FBXO24: variants seen among roughly 807,000 people sequenced by gnomAD.
The protein encoded by FBXO24 is F-box protein 24, also known as F-box only protein 24.
A neutral mutation model predicts 63.5 loss-of-function variants in FBXO24; 30 were observed. That is an observed-to-expected ratio of 0.47 (90% CI 0.35 to 0.64). The LOEUF is 0.64. FBXO24 is among the 30% of genes least tolerant of loss of function. The pLI, the probability that FBXO24 is intolerant of heterozygous loss-of-function variation, is 0.00. For synonymous variants in FBXO24, 300 were observed against 305.0 expected, an observed-to-expected ratio of 0.98 and a Z score of 0.17; for missense variants, 624 against 763.4, an observed-to-expected ratio of 0.82 and a Z score of 2.15.
chr7:100,589,322 G>A, intron 1 of FBXO24: 1 of 963,246 alleles, frequency 1.0e-6, no homozygotes, highest in Non-Finnish European at 1.3e-6. Flanking sequence ...GAATTCACTA[G>A]TGTTTCTCTA....
chr7:100,596,070 G>T (rs1178720484), intron 8 of FBXO24, among the ~76,000 whole-genome samples: 1 of 152,124 alleles, frequency 6.6e-6, no homozygotes, highest in African/African-American at 2.4e-5. Flanking sequence ...TTGAGGTCAG[G>T]AGTTCTAGAC....
intron 1 of FBXO24, among the ~76,000 whole-genome samples, chr7:100,588,864 C>T (rs546796612): frequency 3.3e-5 from 5 of 152,200 alleles, no homozygotes; most frequent in South Asian, 2.1e-4. Flanking sequence ...GTATCATTCT[C>T]GCCCGGGCTG....
Position 100,600,171 on chromosome 7 carries a change from G to T in FBXO24, c.1347G>T (p.Gly449=), listed in dbSNP as rs1161689698. ...AGGRLPGWPK[G]SASFVKLQVK... ...GCCGCCTCCCAGGCTGGCCCAAGGG[G>T]AGTGCCTCCTTCGTCAAGCTCCAAG... The change falls in exon 9 of 10, where the codon GGG becomes GGT. Residue 449 remains glycine, a synonymous_variant. Coordinates refer to ENST00000241071, the MANE Select transcript of FBXO24 (RefSeq NM_033506.3). This position sits in a 1 kb window ranked among gnomAD's most constrained non-coding sequence, Gnocchi z 6.3. 3.8e-6 allele frequency: 6 copies of T among 1,580,598 alleles called. No individual in the cohort carries two copies. Among genetic ancestry groups the T allele is most frequent in the Non-Finnish European group, 3.4e-6 (4 of 1,163,194 alleles).
chr7:100,594,974 C>A lies in FBXO24; in HGVS notation c.953-128C>A. On this transcript the variant is annotated intron_variant, in intron 6 of 9. Coordinates refer to ENST00000241071, the MANE Select transcript of FBXO24 (RefSeq NM_033506.3). The surrounding 1 kb of genome is among the most constrained non-coding windows in gnomAD (Gnocchi z 4.2). ...AAAAGATGTGTTTTCAGTTCCCAGGCATCATAGTTGATGCATTCCTAGTGG... is the reference window on the plus strand; with the variant it reads ...AAAAGATGTGTTTTCAGTTCCCAGGAATCATAGTTGATGCATTCCTAGTGG... The A allele has an allele frequency of 7.7e-7, 1 of 1,301,856 alleles. No homozygotes were observed. Among genetic ancestry groups the A allele is most frequent in the Non-Finnish European group, 1.1e-6 (1 of 941,600 alleles). The allele number at this position is 1,301,856 out of a possible 1,614,324, so 80.6% of individuals were successfully genotyped here.
In FBXO24 at chr7:100,592,884, C is replaced by G; in HGVS notation, c.660C>G (p.Ala220=). The change falls in exon 5 of 10, where the codon GCC becomes GCG. Residue 220 remains alanine (A), a synonymous_variant. Coordinates refer to ENST00000241071, the MANE Select transcript of FBXO24 (RefSeq NM_033506.3). ...TGGTGGGTACCACCAGCAGCCGGGC[C>G]TGTGACTGTGTTGAGGTCTATCTGC... ...QEVVGTTSSR[A]CDCVEVYLQS... is the part of the protein sequence containing the mutation. The G allele has an allele frequency of 6.2e-7, 1 of 1,614,220 alleles. No individual in the cohort carries two copies. The highest frequency in any genetic ancestry group is 8.5e-7 in the Non-Finnish European group (1 of 1,180,048).
intron 4 of FBXO24, chr7:100,592,246 G>A: frequency 3.8e-6 from 1 of 262,314 alleles, no homozygotes; most frequent in African/African-American, 2.3e-5. Context: ...GCAACAAGAG[G>A]GAGACTCCGT....
intron 3 of FBXO24, among the ~76,000 whole-genome samples, chr7:100,591,113 A>G (rs1430551769): frequency 2.1e-5 from 3 of 144,994 alleles, no homozygotes; most frequent in African/African-American, 7.8e-5. Context: ...TCTTGGCTCA[A>G]TGCAACCTCC....
chr7:100,599,844 A>T (rs1446158578), intron 8 of FBXO24, 187 bp from the exon 9 acceptor site: 3 of 626,982 alleles, frequency 4.8e-6, no homozygotes, highest in South Asian at 3.9e-5. Context: ...GCAAGACCCT[A>T]TGTGACCAGT....
chr7:100,594,606 C>T lies in FBXO24; in HGVS notation c.952+65C>T. 4.2e-6 allele frequency: 6 copies of T among 1,428,008 alleles called. No individual in the cohort carries two copies. Among genetic ancestry groups the T allele is most frequent in the Non-Finnish European group, 5.5e-6 (6 of 1,086,200 alleles). The allele number at this position is 1,428,008 out of a possible 1,614,324, so 88.5% of individuals were successfully genotyped here. On this transcript the variant is annotated intron_variant, in intron 6 of 9. Coordinates refer to ENST00000241071, the MANE Select transcript of FBXO24 (RefSeq NM_033506.3). This position sits in a 1 kb window ranked among gnomAD's most constrained non-coding sequence, Gnocchi z 4.2. ...GTTAGACCCTCTAAACATCAACACCCTTCACCCTTACTCCAGCTGCATGGT... is the reference window on the plus strand; with the variant it reads ...GTTAGACCCTCTAAACATCAACACCTTTCACCCTTACTCCAGCTGCATGGT...
At chr7:100,595,342 T>C in intron 7 of FBXO24, 119 bp downstream of exon 7, 12 of 1,542,488 alleles carry the variant, frequency 7.8e-6, no homozygotes, top group South Asian at 1.2e-5. Context: ...CAGGGAGAGG[T>C]ATGCCAAAAG....
chr7:100,598,158 C>G (rs1416372543), intron 8 of FBXO24, among the ~76,000 whole-genome samples: 2 of 152,010 alleles, frequency 1.3e-5, no homozygotes, highest in Admixed American at 1.3e-4. Context: ...GAGCTGTGAT[C>G]ACCACTGCAC....
At chr7:100,597,554 C>G (rs1298295742) in intron 8 of FBXO24, among the ~76,000 whole-genome samples, 1 of 151,958 alleles carries the variant, frequency 6.6e-6, no homozygotes, top group Non-Finnish European at 1.5e-5. Flanking sequence ...CCACCATGCC[C>G]GGCTAATTTT....
At chr7:100,593,626 CAA>C (rs769155612) in intron 5 of FBXO24, among the ~76,000 whole-genome samples, 281 of 58,980 alleles carry the variant, frequency 4.8e-3, no homozygotes, top group African/African-American at 0.016. Context: ...GACTCCGTCT[CAA>C]AAAAAAAAAA....
Position 100,600,040 on chromosome 7 carries a change from C to T in FBXO24, c.1216C>T (p.Leu406=). 2 of 1,610,334 alleles carry T rather than the reference C, an allele frequency of 1.2e-6. No homozygotes were observed. The highest frequency in any genetic ancestry group is 1.7e-6 in the Non-Finnish European group (2 of 1,179,252). ...GGCCGTGTGTCCCCAGGTTTGTTAC[C>T]TGCAGCGGCCCATCACCCTGTGGTG... is the stretch of plus-strand genomic sequence containing the variant. The part of the protein sequence containing the change: ...DRGEPTQVCY[L]QRPITLWCGL... The change falls in exon 9 of 10, where the codon CTG becomes TTG. Residue 406 remains leucine, a synonymous_variant. Coordinates refer to ENST00000241071, the MANE Select transcript of FBXO24 (RefSeq NM_033506.3). This position sits in a 1 kb window ranked among gnomAD's most constrained non-coding sequence, Gnocchi z 6.3.
intron 8 of FBXO24, among the ~76,000 whole-genome samples, chr7:100,598,474 A>G (rs1802415741): frequency 6.6e-6 from 1 of 152,164 alleles, no homozygotes; most frequent in Non-Finnish European, 1.5e-5. Context: ...AGAGCATGTC[A>G]GTAATGTAAT....
chr7:100,595,652 CAG>C lies in FBXO24; in HGVS notation c.1154_1155del (p.Arg385IlefsTer98). 1 of 1,613,396 alleles carries C rather than the reference CAG, an allele frequency of 6.2e-7. No individual in the cohort carries two copies. The highest frequency in any genetic ancestry group is 8.5e-7 in the Non-Finnish European group (1 of 1,179,574). On this transcript the variant is annotated frameshift_variant, in exon 8 of 10. Transcript: ENST00000241071. LOFTEE classifies it high-confidence loss of function. ...GCCGAATCTTCATGCAAGGAAATAA[CAG>C]ATACGGGCAGCTAGGAACAGGGGAC... ...FGRIFMQGNN[R>X]YGQLGTGDKM...
At chr7:100,593,261 G>C (rs566315353) in intron 5 of FBXO24, among the ~76,000 whole-genome samples, 1 of 152,090 alleles carries the variant, frequency 6.6e-6, no homozygotes, top group South Asian at 2.1e-4. Flanking sequence ...TTGGGAGGCC[G>C]AGGTGAGCAG....
At chr7:100,589,542 C>T in intron 1 of FBXO24, 3 of 1,402,196 alleles carry the variant, frequency 2.1e-6, no homozygotes, top group South Asian at 1.8e-5. Context: ...AGTGGCCAAA[C>T]AGTGAGGTCA....
intron 8 of FBXO24, chr7:100,599,572 AAAAAAAAAAG>A (rs1802484923): frequency 6.3e-6 from 1 of 158,558 alleles, no homozygotes; most frequent in Non-Finnish European, 1.4e-5. Context: ...TCAAACAAAA[AAAAAAAAAAG>A]AAAGAAAGAA....
Sources: allele counts gnomAD v4.1 joint callset (sites outside exome capture counted in the v4.1 genomes callset), GRCh38; gene constraint gnomAD v4.1.1; non-coding constraint Gnocchi (gnomAD v3.1); transcripts MANE v1.5; gene names NCBI Gene and HGNC (gene_info 2026-07-23, HGNC 2026-07-21).